The following TRIM14 variants were observed in gnomAD, a reference collection of about 807,000 sequenced individuals.
TRIM14 encodes tripartite motif containing 14.
A neutral mutation model predicts 44.5 loss-of-function variants in TRIM14; 28 were observed. The ratio of observed to expected loss-of-function variants is 0.63; its 90% CI spans 0.47 to 0.86. The LOEUF is 0.86. TRIM14 is among the 40% of genes least tolerant of loss of function. TRIM14 has a pLI of 0.00. For missense variants in TRIM14, 607 were observed against 611.1 expected (o/e 0.99, Z 0.07); for synonymous variants, 299 against 269.2 (o/e 1.11, Z -1.08).
chr9:98,040,781 CG>C, the TRIM14 span, among the ~76,000 whole-genome samples: 1 of 151,998 alleles, frequency 6.6e-6, no homozygotes, highest in Non-Finnish European at 1.5e-5. Flanking sequence ...CTCAGCCTCC[CG>C]GGTAGCTAGG....
chr9:98,095,511 C>T lies in TRIM14; in HGVS notation c.538-482G>A, dbSNP rs569968259. On this transcript the variant is annotated intron_variant, in intron 3 of 5. Coordinates refer to ENST00000341469, the MANE Select transcript of TRIM14 (RefSeq NM_014788.4). The surrounding 1 kb of genome is among the most constrained non-coding windows in gnomAD (Gnocchi z 4.1). ...GCAGGAAACCATGTTCTAAGAAGGACGCCAAAGGCCAGCAAGGTTCAGCTG... is the reference window on the plus strand; with the variant it reads ...GCAGGAAACCATGTTCTAAGAAGGATGCCAAAGGCCAGCAAGGTTCAGCTG... 1.4e-4 allele frequency among the ~76,000 whole-genome samples: 22 copies of T among 152,298 alleles called. 1 individual carries two copies. In the South Asian group the frequency reaches 3.5e-3, roughly 24 times the overall value.
chr9:98,081,147 G>A (rs992257414), downstream of TRIM14: 1 of 1,594,754 alleles, frequency 6.3e-7, no homozygotes, highest in South Asian at 1.1e-5. Flanking sequence ...GCTGGCCTGA[G>A]AGGGATGGTC....
At chr9:98,112,327 G>A (rs899199022) in intron 1 of TRIM14, among the ~76,000 whole-genome samples, 1 of 152,150 alleles carries the variant, frequency 6.6e-6, no homozygotes, top group South Asian at 2.1e-4. Flanking sequence ...TTTTGCATGA[G>A]AGAGAACTTT....
downstream of TRIM14, chr9:98,080,990 G>A (rs761100603): frequency 1.2e-5 from 19 of 1,614,080 alleles, no homozygotes; most frequent in East Asian, 4.0e-4. Context: ...TGGAGAACTG[G>A]CCGAGCTGGT....
At chr9:98,061,150 G>T in the TRIM14 span, 3 of 673,352 alleles carry the variant, frequency 4.5e-6, no homozygotes, top group East Asian at 5.5e-5. Context: ...AGCCCAGTGA[G>T]AATCTGTGGG....
chr9:98,082,149 C>T (rs1325405035), downstream of TRIM14: 3 of 152,182 alleles, frequency 2.0e-5, no homozygotes, highest in Admixed American at 2.0e-4. Flanking sequence ...GCTTCAGGTA[C>T]CCTTCATTCC....
chr9:98,057,902 G>GT, the TRIM14 span, among the ~76,000 whole-genome samples: 145 of 93,194 alleles, frequency 1.6e-3, no homozygotes, highest in South Asian at 2.1e-3. Context: ...TTCTCTTACT[G>GT]TTTTTTTTTT....
At chr9:98,076,766 T>A (rs937797621) in intron 6 of TRIM14, 1 of 624,884 alleles carries the variant, frequency 1.6e-6, no homozygotes, top group Non-Finnish European at 2.8e-6. Context: ...ATGAAATGAC[T>A]GAGAACAAAT....
intron 2 of TRIM14, among the ~76,000 whole-genome samples, chr9:98,102,613 T>C (rs1292929046): frequency 6.6e-6 from 1 of 152,176 alleles, no homozygotes; most frequent in Non-Finnish European, 1.5e-5. Flanking sequence ...TCCGCTTATG[T>C]GAAACATCTA....
At chr9:98,101,646 C>G (rs1826397162) in intron 2 of TRIM14, among the ~76,000 whole-genome samples, 1 of 151,954 alleles carries the variant, frequency 6.6e-6, no homozygotes, top group Admixed American at 6.6e-5. Flanking sequence ...GTCTTGAACT[C>G]CTGACCTCAG....
At chr9:98,039,401 G>T in the TRIM14 span, among the ~76,000 whole-genome samples, 1 of 152,278 alleles carries the variant, frequency 6.6e-6, no homozygotes, top group African/African-American at 2.4e-5. Context: ...ATTCCTGGGC[G>T]TAGGCTGAAC....
rs148864276 is a variant in TRIM14 at position 98,087,329 on chromosome 9, C to G, written c.*141G>C. The G allele has an allele frequency of 1.4e-4, 177 of 1,276,228 alleles. No homozygotes were observed. The highest frequency in any genetic ancestry group is 1.1e-4 in the Non-Finnish European group (97 of 872,496). The allele number at this position is 1,276,228 out of a possible 1,614,324, so 79.1% of individuals were successfully genotyped here. Reference sequence around the variant, plus strand: ...GAGGAAACCTTCAAAGCACTGTAGGCGTGATTGGTCGGGGAAAGCTGGGGC... The same window carrying G: ...GAGGAAACCTTCAAAGCACTGTAGGGGTGATTGGTCGGGGAAAGCTGGGGC... On this transcript the variant is annotated 3_prime_UTR_variant, in exon 6 of 6. Transcript: ENST00000341469.
At chr9:98,058,966 T>C in the TRIM14 span, among the ~76,000 whole-genome samples, 1 of 152,172 alleles carries the variant, frequency 6.6e-6, no homozygotes, top group East Asian at 1.9e-4. Flanking sequence ...TACCATCTTA[T>C]GATTTGTCTA....
In TRIM14 at chr9:98,073,271, C is replaced by CTTT. The variant is rs10606237; in HGVS notation, c.*29-3587_*29-3585dup. Among the ~76,000 whole-genome samples, 342 of 57,860 alleles carry CTTT rather than the reference C, an allele frequency of 5.9e-3. 53 individuals carry two copies. Among genetic ancestry groups the CTTT allele is most frequent in the Middle Eastern group, 0.038 (3 of 78 alleles). The allele number at this position is 57,860 out of a possible 152,430, so 38.0% of individuals were successfully genotyped here. The stretch of plus-strand genomic sequence containing the variant: ...GTTCTCCCCAGCTCATCACCATGGG[C>CTTT]TTTTTTTTTTTTTTTTTTTTTTTTT... On this transcript the variant is annotated intron_variant, in intron 6 of 6. Transcript: ENST00000375098.
In TRIM14 at chr9:98,085,838, C is replaced by A. The variant is rs191968676; in HGVS notation, c.*1632G>T. 7.2e-5 allele frequency: 11 copies of A among 152,302 alleles called. No homozygotes were observed. The highest frequency in any genetic ancestry group is 4.6e-4 in the Admixed American group (7 of 15,300). 9.4% of individuals were successfully genotyped at this position (152,302 alleles called of 1,614,324 possible). A position where few individuals can be genotyped will look rare whatever the true frequency, so the allele number is the denominator to read the frequency against. On this transcript the variant is annotated 3_prime_UTR_variant, in exon 6 of 6. Coordinates refer to ENST00000341469, the MANE Select transcript of TRIM14 (RefSeq NM_014788.4). ...GTTTTATATGGTTCAAACTAATGCA[C>A]TGAAAGTCTATTTAAACCACGAGGA...
At chr9:98,060,706 G>A in the TRIM14 span, 2 of 1,304,688 alleles carry the variant, frequency 1.5e-6, no homozygotes, top group South Asian at 1.2e-5. Context: ...TGATGTCATA[G>A]TGGTTGCTCC....
chr9:98,081,181 G>T (rs765568708), downstream of TRIM14: 12 of 1,504,946 alleles, frequency 8.0e-6, no homozygotes, highest in Admixed American at 2.1e-4. Flanking sequence ...CCTGAGCCAG[G>T]CTGATGAAAT....
At chr9:98,103,879 C>T (rs1826499167) in intron 2 of TRIM14, among the ~76,000 whole-genome samples, 1 of 151,940 alleles carries the variant, frequency 6.6e-6, no homozygotes, top group Admixed American at 6.5e-5. Context: ...CAGCTCCCTT[C>T]CTCAGCCCAA....
the TRIM14 span, among the ~76,000 whole-genome samples, chr9:98,058,226 C>A: frequency 6.6e-6 from 1 of 152,042 alleles, no homozygotes; most frequent in Non-Finnish European, 1.5e-5. Context: ...CCTTGCTGTT[C>A]CTTCGGGACT....
Sources: gnomAD v4.1 joint callset for allele counts (sites outside exome capture counted in the v4.1 genomes callset) on GRCh38, gnomAD v4.1.1 for gene constraint, Gnocchi (gnomAD v3.1) non-coding constraint, MANE v1.5 for transcripts, NCBI Gene and HGNC (gene_info 2026-07-23, HGNC 2026-07-21) for gene names.